The following TTC8 variants were observed in gnomAD, a reference collection of about 807,000 sequenced individuals.
The protein encoded by TTC8 is tetratricopeptide repeat protein 8.
In TTC8, 47 loss-of-function variants were observed where a neutral mutation model predicts 72.5. The observed-to-expected ratio is 0.65, with a 90% confidence interval of 0.51 to 0.83. The LOEUF is 0.83. TTC8 is among the 40% of genes least tolerant of loss of function. The pLI is 0.00. For synonymous variants in TTC8, 199 were observed against 221.4 expected (o/e 0.90, Z 0.90); for missense variants, 611 against 623.2 (o/e 0.98, Z 0.21).
chr14:88,859,962 A>G (rs1432886037), intron 9 of TTC8, among the ~76,000 whole-genome samples: 1 of 123,332 alleles, frequency 8.1e-6, no homozygotes, highest in Non-Finnish European at 1.8e-5. Flanking sequence ...TAGTAATATA[A>G]TATAAATATT....
chr14:88,844,759 C>T (rs914271436), intron 7 of TTC8, among the ~76,000 whole-genome samples: 7 of 151,748 alleles, frequency 4.6e-5, no homozygotes, highest in Admixed American at 1.3e-4. Flanking sequence ...CCTATGTTTC[C>T]CAGGCTGGTC....
intron 7 of TTC8, among the ~76,000 whole-genome samples, chr14:88,850,369 T>C (rs1474972491): frequency 2.0e-5 from 3 of 152,194 alleles, no homozygotes; most frequent in Non-Finnish European, 4.4e-5. Flanking sequence ...TTATCTGTCC[T>C]CAGGGAGCTT....
At chr14:88,849,451 T>C (rs2094823411) in intron 7 of TTC8, among the ~76,000 whole-genome samples, 1 of 152,186 alleles carries the variant, frequency 6.6e-6, no homozygotes, top group African/African-American at 2.4e-5. Flanking sequence ...CAGAGGTGTT[T>C]TCATATTTAG....
intron 1 of TTC8, among the ~76,000 whole-genome samples, chr14:88,829,925 G>T (rs1304404812): frequency 1.3e-5 from 2 of 152,142 alleles, no homozygotes; most frequent in Non-Finnish European, 2.9e-5. Context: ...GACTTAGCCA[G>T]ACTTAATCCT....
At chr14:88,830,110 C>A (rs2094719310) in intron 1 of TTC8, among the ~76,000 whole-genome samples, 1 of 152,132 alleles carries the variant, frequency 6.6e-6, no homozygotes, top group African/African-American at 2.4e-5. Flanking sequence ...AAATTTTGAA[C>A]AATGACTCGG....
chr14:88,861,319 C>T lies in TTC8; in HGVS notation c.896C>T (p.Ala299Val). The change falls in exon 10 of 15, where the codon GCA (alanine) becomes GTA (valine). Residue 299 changes from alanine to valine, a missense_variant. Physicochemically the swap from Ala to Val is moderately conservative, Grantham distance 64. Transcript: ENST00000380656. ...PGEVTLLCGIARIYEEMNNMS... is the reference protein window; with the variant it reads ...PGEVTLLCGIVRIYEEMNNMS... ...GAAGTAACCCTGCTCTGTGGAATTGCAAGAATCTATGAGGTAATTCATGTT... is the reference window on the plus strand; with the variant it reads ...GAAGTAACCCTGCTCTGTGGAATTGTAAGAATCTATGAGGTAATTCATGTT... 1.9e-6 allele frequency: 3 copies of T among 1,606,702 alleles called. No homozygotes were observed. Among genetic ancestry groups the T allele is most frequent in the Non-Finnish European group, 2.6e-6 (3 of 1,174,282 alleles).
At chr14:88,851,126 C>T (rs1595956685) in intron 7 of TTC8, among the ~76,000 whole-genome samples, 1 of 152,086 alleles carries the variant, frequency 6.6e-6, no homozygotes, top group South Asian at 2.1e-4. Flanking sequence ...ACACTAGAGT[C>T]AGATTGGAAA....
downstream of TTC8, chr14:88,880,469 A>C (rs2094969859): frequency 6.6e-6 from 1 of 151,802 alleles, no homozygotes; most frequent in African/African-American, 2.4e-5. Flanking sequence ...TCTTTACCTG[A>C]ATCTAATTCT....
chr14:88,856,119 G>C (rs950030064), intron 8 of TTC8, among the ~76,000 whole-genome samples: 4 of 152,110 alleles, frequency 2.6e-5, no homozygotes, highest in Non-Finnish European at 5.9e-5. Context: ...TTGATGTTGT[G>C]TACATATATA....
Position 88,857,383 on chromosome 14 carries a change from G to C in TTC8, c.798+106G>C, listed in dbSNP as rs1046356172. The C allele has an allele frequency of 1.5e-5, 15 of 987,668 alleles. No homozygotes were observed. The African/African-American group carries it at 2.4e-4, about 16-fold the overall frequency. The allele number at this position is 987,668 out of a possible 1,614,324, so 61.2% of individuals were successfully genotyped here. Reference sequence around the variant, plus strand: ...CAGCTTCTTCAGGAATATTTGGCAAGTTACTATGTTTAGATTTAACTTGTT... The same window carrying C: ...CAGCTTCTTCAGGAATATTTGGCAACTTACTATGTTTAGATTTAACTTGTT... On this transcript the variant is annotated intron_variant, in intron 9 of 14. Coordinates refer to ENST00000380656, the MANE Select transcript of TTC8 (RefSeq NM_144596.4).
chr14:88,834,494 G>C (rs577587365), intron 2 of TTC8, among the ~76,000 whole-genome samples: 1 of 152,196 alleles, frequency 6.6e-6, no homozygotes, highest in African/African-American at 2.4e-5. Context: ...TAAAAGACTT[G>C]AACCTTATTA....
intron 6 of TTC8, among the ~76,000 whole-genome samples, chr14:88,843,489 A>G (rs1403285697): frequency 6.6e-6 from 1 of 152,192 alleles, no homozygotes; most frequent in Non-Finnish European, 1.5e-5. Context: ...TAATCACTGT[A>G]TAATATATGT....
At chr14:88,869,656 C>T (rs879433448) in intron 10 of TTC8, among the ~76,000 whole-genome samples, 7 of 152,094 alleles carry the variant, frequency 4.6e-5, no homozygotes, top group Non-Finnish European at 8.8e-5. Context: ...TACATTTGCT[C>T]TTCCCTCTGC....
At chr14:88,853,474 T>C (rs2094842819) in intron 8 of TTC8, among the ~76,000 whole-genome samples, 1 of 152,226 alleles carries the variant, frequency 6.6e-6, no homozygotes, top group Admixed American at 6.5e-5. Context: ...AAGAGATACT[T>C]TGTTCCTACA....
At chr14:88,853,803 A>G (rs1042727694) in intron 8 of TTC8, among the ~76,000 whole-genome samples, 5 of 152,242 alleles carry the variant, frequency 3.3e-5, no homozygotes, top group African/African-American at 1.2e-4. Context: ...ACTAGTAAAT[A>G]AGATCTGAAA....
chr14:88,842,422 T>C (rs1358761903), intron 6 of TTC8, among the ~76,000 whole-genome samples: 1 of 152,212 alleles, frequency 6.6e-6, no homozygotes, highest in African/African-American at 2.4e-5. Flanking sequence ...TTGCTGCTGA[T>C]TTTTTTCTTA....
At chr14:88,854,731 G>A (rs2141002793) in intron 8 of TTC8, among the ~76,000 whole-genome samples, 1 of 152,138 alleles carries the variant, frequency 6.6e-6, no homozygotes, top group Admixed American at 6.5e-5. Flanking sequence ...TTTCACCCAG[G>A]CTGGAGTGTA....
intron 1 of TTC8, among the ~76,000 whole-genome samples, chr14:88,831,947 C>T (rs1424273276): frequency 6.6e-6 from 1 of 152,112 alleles, no homozygotes; most frequent in Non-Finnish European, 1.5e-5. Flanking sequence ...TAGTATTTGA[C>T]ACATTGTATT....
At chr14:88,847,984 A>G (rs2094815480) in intron 7 of TTC8, among the ~76,000 whole-genome samples, 1 of 151,894 alleles carries the variant, frequency 6.6e-6, no homozygotes, top group African/African-American at 2.4e-5. Flanking sequence ...TTAGCTAGGC[A>G]TAATGGCAGG....
Sources: allele counts gnomAD v4.1 joint callset (sites outside exome capture counted in the v4.1 genomes callset), GRCh38; gene constraint gnomAD v4.1.1; transcripts MANE v1.5; gene names NCBI Gene and HGNC (gene_info 2026-07-23, HGNC 2026-07-21).